OSBPL1A: variants seen among roughly 807,000 people sequenced by gnomAD.
OSBPL1A encodes oxysterol binding protein like 1A, also known as oxysterol-binding protein-related protein 1.
A neutral mutation model predicts 137.1 loss-of-function variants in OSBPL1A; 80 were observed. The observed-to-expected ratio is 0.58, with a 90% CI of 0.49 to 0.70. The LOEUF is 0.70. Among genes scored for constraint, OSBPL1A ranks in the 30% least tolerant of loss-of-function variants. OSBPL1A has a pLI of 0.00. For missense variants in OSBPL1A, 970 were observed against 1,129.4 expected, an observed-to-expected ratio of 0.86 and a Z score of 2.02; for synonymous variants, 365 against 389.7, an observed-to-expected ratio of 0.94 and a Z score of 0.75.
intron 17 of OSBPL1A, among the ~76,000 whole-genome samples, chr18:24,203,153 T>C (rs2087267578): frequency 6.6e-6 from 1 of 152,150 alleles, no homozygotes; most frequent in African/African-American, 2.4e-5. Context: ...CATTTTGTAT[T>C]TTTAGTAGAG....
chr18:24,285,013 C>T (rs994978488), intron 14 of OSBPL1A, among the ~76,000 whole-genome samples: 2 of 152,132 alleles, frequency 1.3e-5, no homozygotes, highest in Non-Finnish European at 2.9e-5. Flanking sequence ...TGAGCTATGA[C>T]CACACCACTG....
At chr18:24,224,881 CAG>C (rs2088017632) in intron 17 of OSBPL1A, among the ~76,000 whole-genome samples, 159 bp downstream of exon 17, 1 of 152,142 alleles carries the variant, frequency 6.6e-6, no homozygotes, top group African/African-American at 2.4e-5. Flanking sequence ...CTTAAATGGA[CAG>C]AGGAAAAAGT....
intron 17 of OSBPL1A, among the ~76,000 whole-genome samples, chr18:24,197,325 C>T (rs1311850280): frequency 1.3e-5 from 2 of 152,062 alleles, no homozygotes; most frequent in Non-Finnish European, 2.9e-5. Flanking sequence ...CCAGCCTGGG[C>T]AACAGAGCGA....
At chr18:24,342,907 G>T (rs2091294447) in intron 4 of OSBPL1A, among the ~76,000 whole-genome samples, 1 of 151,432 alleles carries the variant, frequency 6.6e-6, no homozygotes, top group African/African-American at 2.4e-5. Context: ...ACAGGAAAAT[G>T]GTTTTTTAAA....
chr18:24,363,447 C>CTTT (rs575394950), intron 4 of OSBPL1A, among the ~76,000 whole-genome samples: 3,983 of 130,974 alleles, frequency 0.03, 268 homozygotes, highest in African/African-American at 0.1. Context: ...TCTTTTTTTC[C>CTTT]TTTTTTTTTT....
rs1267416499 is a variant in OSBPL1A at position 24,378,198 on chromosome 18, ATTC to A, written c.-2-666_-2-664del. 2.0e-5 allele frequency among the ~76,000 whole-genome samples: 3 copies of A among 152,224 alleles called. No homozygotes were observed. The East Asian group carries it at 5.8e-4, about 29-fold the overall frequency. ...AAATAGCAATTCCCAGAAGTATGTC[ATTC>A]TTACTAATAATCAAATAAATAAAAA... On this transcript the variant is annotated intron_variant, in intron 1 of 27. Transcript: ENST00000319481.
At chr18:24,264,646 C>T (rs2146046780) in intron 15 of OSBPL1A, among the ~76,000 whole-genome samples, 1 of 152,306 alleles carries the variant, frequency 6.6e-6, no homozygotes, top group East Asian at 1.9e-4. Context: ...GTATTCTGTG[C>T]AAAATCAGAA....
intron 21 of OSBPL1A, among the ~76,000 whole-genome samples, chr18:24,172,711 TC>T (rs1475502790): frequency 6.6e-6 from 1 of 152,034 alleles, no homozygotes; most frequent in Non-Finnish European, 1.5e-5. Flanking sequence ...ATTCTATACT[TC>T]CACCAAACTC....
chr18:24,191,007 T>C (rs1030696920), intron 18 of OSBPL1A, among the ~76,000 whole-genome samples: 1 of 152,250 alleles, frequency 6.6e-6, no homozygotes, highest in Non-Finnish European at 1.5e-5. Flanking sequence ...AAAAACATAC[T>C]GGCAAAGGTT....
chr18:24,246,916 A>G (rs917809021), intron 15 of OSBPL1A, among the ~76,000 whole-genome samples: 1 of 152,166 alleles, frequency 6.6e-6, no homozygotes, highest in Non-Finnish European at 1.5e-5. Context: ...GAAGGCTCAA[A>G]TGATTTGCTG....
At chr18:24,349,519 A>G (rs1214772102) in intron 4 of OSBPL1A, among the ~76,000 whole-genome samples, 1 of 152,168 alleles carries the variant, frequency 6.6e-6, no homozygotes, top group Non-Finnish European at 1.5e-5. Flanking sequence ...ACTTGAAGAC[A>G]TCTCCCTGGT....
intron 1 of OSBPL1A, among the ~76,000 whole-genome samples, chr18:24,393,202 CAT>C (rs1907488481): frequency 1.3e-5 from 2 of 152,232 alleles, no homozygotes; most frequent in South Asian, 2.1e-4. Flanking sequence ...ATTATGCACA[CAT>C]GTGCATAGAT....
At chr18:24,195,830 G>A (rs2087014381) in intron 18 of OSBPL1A, 2 of 348,886 alleles carry the variant, frequency 5.7e-6, no homozygotes, top group South Asian at 2.8e-5. Flanking sequence ...TGTTCTTTCT[G>A]AGAGTTTCTA....
In OSBPL1A at chr18:24,358,430, C is replaced by A. The variant is rs571705368; in HGVS notation, c.282+8462G>T. ...CCACTCCTGTCCACTTCTTCCCCAC[C>A]CTCGTGCACAGGTGTGATGCCACGA... On this transcript the variant is annotated intron_variant, in intron 4 of 27. Coordinates refer to ENST00000319481, the MANE Select transcript of OSBPL1A (RefSeq NM_080597.4). 22 of 701,512 alleles carry A rather than the reference C, an allele frequency of 3.1e-5. No individual in the cohort carries two copies. In the African/African-American group the frequency reaches 3.7e-4, roughly 12 times the overall value. 43.5% of individuals were successfully genotyped at this position (701,512 alleles called of 1,614,324 possible).
At chr18:24,276,582 T>C (rs1462938537) in intron 15 of OSBPL1A, among the ~76,000 whole-genome samples, 3 of 152,270 alleles carry the variant, frequency 2.0e-5, no homozygotes, top group Non-Finnish European at 4.4e-5. Flanking sequence ...TAGCTGGGAT[T>C]ACAGGCATGT....
chr18:24,170,520 G>A (rs537008958), intron 23 of OSBPL1A, 67 bp from the exon 24 acceptor site: 3 of 1,591,396 alleles, frequency 1.9e-6, no homozygotes, highest in Non-Finnish European at 2.6e-6. Context: ...ACAGCACCTG[G>A]TATTCCCAGG....
At chr18:24,299,094 C>G (rs1007231132) in intron 14 of OSBPL1A, among the ~76,000 whole-genome samples, 1 of 152,106 alleles carries the variant, frequency 6.6e-6, no homozygotes, top group Non-Finnish European at 1.5e-5. Context: ...TTTTTCCACC[C>G]CTTTACCTTG....
chr18:24,331,458 G>C (rs906773031), intron 7 of OSBPL1A, among the ~76,000 whole-genome samples: 1 of 148,400 alleles, frequency 6.7e-6, no homozygotes. Context: ...GTGCAGTGGC[G>C]CGATCTCGGC....
Position 24,318,652 on chromosome 18 carries a change from A to G in OSBPL1A, c.688-7T>C. 1.2e-6 allele frequency: 2 copies of G among 1,609,338 alleles called. No individual in the cohort carries two copies. The highest frequency in any genetic ancestry group is 1.7e-6 in the Non-Finnish European group (2 of 1,179,048). On this transcript the variant is annotated splice_polypyrimidine_tract_variant and splice_region_variant and intron_variant, in intron 8 of 27. Coordinates refer to ENST00000319481, the MANE Select transcript of OSBPL1A (RefSeq NM_080597.4). ...TCAATGCTTTGTAGATGACCTGTCA[A>G]AAACATGTTTTCATGAAAAATGCAT...
Sources: allele counts gnomAD v4.1 joint callset (sites outside exome capture counted in the v4.1 genomes callset), GRCh38; gene constraint gnomAD v4.1.1; transcripts MANE v1.5; gene names NCBI Gene and HGNC (gene_info 2026-07-23, HGNC 2026-07-21).